KCNH8: variants seen among roughly 807,000 people sequenced by gnomAD.
The protein encoded by KCNH8 is potassium voltage-gated channel subfamily H member 8, also known as voltage-gated delayed rectifier potassium channel KCNH8.
Under a neutral mutation model 103.6 loss-of-function variants are expected in KCNH8, and 70 were observed. The observed-to-expected ratio is 0.68, with a 90% CI of 0.56 to 0.82. The LOEUF (loss-of-function observed/expected upper bound fraction) is 0.82, where lower values mean the gene tolerates loss of function less well. KCNH8 is among the 40% of genes least tolerant of loss of function. KCNH8 has a pLI of 0.00. For missense variants in KCNH8, 1,217 were observed against 1,329.9 expected, an observed-to-expected ratio of 0.92 and a Z score of 1.32; for synonymous variants, 498 against 489.4, an observed-to-expected ratio of 1.02 and a Z score of -0.23.
chr3:19,351,326 G>A (rs1424755508), intron 5 of KCNH8, among the ~76,000 whole-genome samples: 2 of 152,136 alleles, frequency 1.3e-5, no homozygotes, highest in Non-Finnish European at 2.9e-5. Flanking sequence ...ATATTATCCA[G>A]GAGAACTTTC....
chr3:19,353,699 A>G (rs933026527), intron 5 of KCNH8, among the ~76,000 whole-genome samples: 6 of 152,162 alleles, frequency 3.9e-5, no homozygotes, highest in African/African-American at 1.4e-4. Context: ...CATGCTAACA[A>G]CTCTCAATAA....
intron 1 of KCNH8, among the ~76,000 whole-genome samples, chr3:19,245,498 G>A (rs1451878393): frequency 3.3e-5 from 5 of 152,190 alleles, no homozygotes; most frequent in Non-Finnish European, 7.4e-5. Flanking sequence ...TGTGAAGGAT[G>A]ATGTTGGTAT....
At chr3:19,466,130 T>G (rs1212507022) in intron 11 of KCNH8, among the ~76,000 whole-genome samples, 1 of 151,982 alleles carries the variant, frequency 6.6e-6, no homozygotes, top group Non-Finnish European at 1.5e-5. Flanking sequence ...CTCGCTATAT[T>G]GCTTAGGCTG....
chr3:19,162,747 G>A (rs543945192), intron 1 of KCNH8, among the ~76,000 whole-genome samples: 2 of 152,104 alleles, frequency 1.3e-5, no homozygotes, highest in South Asian at 4.2e-4. Context: ...GAATCATATG[G>A]ACACCTATTA....
intron 7 of KCNH8, among the ~76,000 whole-genome samples, chr3:19,436,421 G>A (rs2067200342): frequency 6.6e-6 from 1 of 152,168 alleles, no homozygotes; most frequent in African/African-American, 2.4e-5. Flanking sequence ...GTCACATGTT[G>A]TCTTGTTACC....
intron 1 of KCNH8, among the ~76,000 whole-genome samples, chr3:19,191,918 G>A (rs1323109405): frequency 1.3e-5 from 2 of 151,246 alleles, no homozygotes; most frequent in Non-Finnish European, 3.0e-5. Context: ...TTCATGATTA[G>A]GACATTAGTT....
At chr3:19,410,430 C>A (rs1001120960) in intron 7 of KCNH8, among the ~76,000 whole-genome samples, 31 of 151,970 alleles carry the variant, frequency 2.0e-4, no homozygotes, top group African/African-American at 7.5e-4. Context: ...AAACGCCTAC[C>A]TCAAAAAGTT....
At chr3:19,463,919 T>C (rs1272227103) in intron 11 of KCNH8, among the ~76,000 whole-genome samples, 3 of 152,118 alleles carry the variant, frequency 2.0e-5, no homozygotes, top group Non-Finnish European at 4.4e-5. Context: ...TATGTAAGTA[T>C]GTAAAATGTA....
intron 1 of KCNH8, among the ~76,000 whole-genome samples, chr3:19,201,816 C>T (rs893291832): frequency 3.3e-5 from 5 of 152,108 alleles, no homozygotes; most frequent in African/African-American, 1.2e-4. Context: ...AAGTTCCATT[C>T]TAATATATCT....
chr3:19,491,915 T>C (rs940493244), intron 11 of KCNH8, among the ~76,000 whole-genome samples: 1 of 152,210 alleles, frequency 6.6e-6, no homozygotes, highest in African/African-American at 2.4e-5. Flanking sequence ...TGCATTTCTC[T>C]GATGATTAGT....
At chr3:19,260,044 G>A (rs2064408993) in intron 2 of KCNH8, among the ~76,000 whole-genome samples, 1 of 151,606 alleles carries the variant, frequency 6.6e-6, no homozygotes, top group African/African-American at 2.4e-5. Flanking sequence ...AGGAAGAAAA[G>A]AGGAGAAAAG....
At chr3:19,234,702 G>A (rs1454333606) in intron 1 of KCNH8, among the ~76,000 whole-genome samples, 2 of 152,284 alleles carry the variant, frequency 1.3e-5, no homozygotes. Context: ...CAGTGCAGCG[G>A]CGGGCTGAAG....
At chr3:19,486,717 G>A (rs975661573) in intron 11 of KCNH8, among the ~76,000 whole-genome samples, 7 of 152,092 alleles carry the variant, frequency 4.6e-5, no homozygotes, top group East Asian at 1.9e-4. Context: ...AAAAGTTACC[G>A]GTCGCCCCCC....
At chr3:19,462,314 A>C (rs892903687) in intron 11 of KCNH8, among the ~76,000 whole-genome samples, 1 of 152,062 alleles carries the variant, frequency 6.6e-6, no homozygotes, top group African/African-American at 2.4e-5. Context: ...TTGTTTCCTG[A>C]CTTTTTAATG....
At chr3:19,264,820 A>G (rs1210036391) in intron 2 of KCNH8, among the ~76,000 whole-genome samples, 2 of 152,024 alleles carry the variant, frequency 1.3e-5, no homozygotes, top group Admixed American at 6.6e-5. Context: ...GGAATATCCT[A>G]TTACTATCAT....
At chr3:19,449,950 CTGTACCAAAATGCT>C (rs969479901) in intron 8 of KCNH8, among the ~76,000 whole-genome samples, 142 bp from the exon 9 acceptor site, 1 of 152,114 alleles carries the variant, frequency 6.6e-6, no homozygotes, top group African/African-American at 2.4e-5. Context: ...GACACACTGT[CTGTACCAAAATGCT>C]TGTACCAAAA....
intron 5 of KCNH8, among the ~76,000 whole-genome samples, chr3:19,360,774 A>C (rs1225666179): frequency 6.6e-6 from 1 of 152,054 alleles, no homozygotes; most frequent in Non-Finnish European, 1.5e-5. Context: ...ATTTCAATTC[A>C]TAAGGGCTGT....
At position 19,275,413 on chromosome 3, in the gene KCNH8, T is replaced by C. The variant is rs115778013; in HGVS notation, c.311-5785T>C. On this transcript the variant is annotated intron_variant, in intron 2 of 15. Transcript: ENST00000328405. ...GTCTACCCCCCACGCTGCCCTCCAC[T>C]GTTACACAGGGAGTCAGGAAACCAG... Among the ~76,000 whole-genome samples, 430 of 152,164 alleles carry C rather than the reference T, an allele frequency of 2.8e-3. 3 individuals carry two copies. Among genetic ancestry groups the C allele is most frequent in the African/African-American group, 9.5e-3 (396 of 41,490 alleles).
chr3:19,231,953 A>G (rs1472768914), intron 1 of KCNH8, among the ~76,000 whole-genome samples: 1 of 152,162 alleles, frequency 6.6e-6, no homozygotes, highest in Non-Finnish European at 1.5e-5. Flanking sequence ...AATTGCCGCG[A>G]GTTTTGAGAC....
Sources: gnomAD v4.1 joint callset for allele counts (sites outside exome capture counted in the v4.1 genomes callset) on GRCh38, gnomAD v4.1.1 for gene constraint, MANE v1.5 for transcripts, NCBI Gene and HGNC (gene_info 2026-07-23, HGNC 2026-07-21) for gene names.